The following ATP13A4 variants were observed in gnomAD, a reference collection of about 807,000 sequenced individuals.
The protein encoded by ATP13A4 is probable cation-transporting ATPase 13A4.
ATP13A4 carries 114 observed loss-of-function variants against 142.5 expected under a neutral mutation model. The observed-to-expected ratio is 0.80, with a 90% confidence interval of 0.69 to 0.93. ATP13A4 has a LOEUF of 0.93. Among genes scored for constraint, ATP13A4 ranks in the 40% least tolerant of loss-of-function variants. The pLI is 0.00. For missense variants in ATP13A4, 1,392 were observed against 1,454.0 expected, an observed-to-expected ratio of 0.96 and a Z score of 0.69; for synonymous variants, 488 against 514.8, an observed-to-expected ratio of 0.95 and a Z score of 0.70.
At chr3:193,454,287 C>A in intron 16 of ATP13A4, 75 bp from the exon 17 acceptor site, 1 of 1,149,668 alleles carries the variant, frequency 8.7e-7, no homozygotes, top group Admixed American at 1.8e-5. Context: ...TCTTTACAAA[C>A]ATCCAACTTT....
intron 6 of ATP13A4, 34 bp downstream of exon 6, chr3:193,491,295 G>C: frequency 6.6e-7 from 1 of 1,507,200 alleles, no homozygotes; most frequent in South Asian, 1.1e-5. Context: ...CTTATTTTCT[G>C]TCCAACACCA....
chr3:193,421,957 T>A (rs148267014), intron 25 of ATP13A4, among the ~76,000 whole-genome samples: 1 of 150,012 alleles, frequency 6.7e-6, no homozygotes, highest in East Asian at 2.1e-4. Flanking sequence ...TTACTTTGAA[T>A]GTAAATGGAG....
intron 25 of ATP13A4, chr3:193,417,186 A>T (rs1576939120): frequency 6.6e-6 from 1 of 152,372 alleles, no homozygotes; most frequent in South Asian, 2.1e-4. Context: ...AAGCTGAAAG[A>T]GTTTGTTATC....
chr3:193,531,841 A>T (rs970824262), intron 1 of ATP13A4, among the ~76,000 whole-genome samples: 1 of 152,192 alleles, frequency 6.6e-6, no homozygotes, highest in Non-Finnish European at 1.5e-5. Context: ...TGGTAAGTGA[A>T]AAGTCAAGAG....
upstream of ATP13A4, among the ~76,000 whole-genome samples, chr3:193,558,332 C>T (rs528067518): frequency 2.6e-5 from 4 of 152,280 alleles, no homozygotes; most frequent in South Asian, 4.1e-4. Context: ...ACGTGCCTCA[C>T]GGGTTGTGAT....
chr3:193,399,109 T>C lies in ATP13A4; in HGVS notation c.*3543A>G, dbSNP rs1436767970. On this transcript the variant is annotated 3_prime_UTR_variant, in exon 30 of 30. Transcript: ENST00000342695. ...CATAAGGATACAGATGTCACAGACA[T>C]ATTTAGTGAGGGAAGCCCAGAGTCA... Among the ~76,000 whole-genome samples the C allele has an allele frequency of 6.6e-6, 1 of 152,096 alleles. No homozygotes were observed. The highest frequency in any genetic ancestry group is 1.5e-5 in the Non-Finnish European group (1 of 68,004).
chr3:193,430,243 A>G (rs1715896204), intron 25 of ATP13A4, among the ~76,000 whole-genome samples: 1 of 152,140 alleles, frequency 6.6e-6, no homozygotes, highest in African/African-American at 2.4e-5. Context: ...TTACACATTT[A>G]GAGATAAATT....
In ATP13A4 at chr3:193,546,649, TTG is replaced by T. The variant is rs537426334; in HGVS notation, c.60+8089_60+8090del. ...AATGTTGGTCTCCAGCCTCCTGATG[TTG>T]TGTTTCTTTCAATTACACCCTAATG... On this transcript the variant is annotated intron_variant, in intron 1 of 29. Coordinates refer to ENST00000342695, the MANE Select transcript of ATP13A4 (RefSeq NM_032279.4). Among the ~76,000 whole-genome samples the T allele has an allele frequency of 1.6e-4, 25 of 152,318 alleles. No individual in the cohort carries two copies. In the South Asian group the frequency reaches 2.3e-3, roughly 14 times the overall value.
upstream of ATP13A4, among the ~76,000 whole-genome samples, chr3:193,557,473 T>C (rs905718225): frequency 6.6e-6 from 1 of 152,208 alleles, no homozygotes; most frequent in Admixed American, 6.5e-5. Flanking sequence ...CACTTCCACA[T>C]ATGAGGCACA....
upstream of ATP13A4, among the ~76,000 whole-genome samples, chr3:193,558,348 G>A (rs74929352): frequency 0.028 from 4,253 of 152,250 alleles, 63 homozygotes; most frequent in East Asian, 0.034. Context: ...GTGATGTGGC[G>A]TAGTAAGAAT....
chr3:193,554,596 T>G, intron 1 of ATP13A4, 144 bp downstream of exon 1: 3 of 1,041,472 alleles, frequency 2.9e-6, no homozygotes, highest in Non-Finnish European at 4.4e-6. Context: ...AACATGACCT[T>G]TTCTCGTGTA....
intron 3 of ATP13A4, among the ~76,000 whole-genome samples, chr3:193,493,701 T>G (rs1720070799): frequency 6.6e-6 from 1 of 152,072 alleles, no homozygotes; most frequent in Non-Finnish European, 1.5e-5. Context: ...TGAGCACGCC[T>G]GTTTGTAGAA....
intron 11 of ATP13A4, 147 bp from the exon 12 acceptor site, chr3:193,465,275 C>A: frequency 6.1e-6 from 5 of 818,634 alleles, no homozygotes; most frequent in Non-Finnish European, 9.7e-6. Flanking sequence ...GCAACCTCCA[C>A]CTCCCGGGTT....
chr3:193,405,625 G>T (rs879580774), intron 29 of ATP13A4, among the ~76,000 whole-genome samples: 1 of 152,154 alleles, frequency 6.6e-6, no homozygotes, highest in Non-Finnish European at 1.5e-5. Flanking sequence ...AGAGAAAGGT[G>T]AAAGAGTGTG....
At chr3:193,514,617 A>T (rs947717695) in intron 2 of ATP13A4, 81 bp downstream of exon 2, 9 of 1,559,296 alleles carry the variant, frequency 5.8e-6, no homozygotes, top group Non-Finnish European at 7.9e-6. Flanking sequence ...TGTCTTGTGC[A>T]CATCTCCCCC....
At chr3:193,433,148 G>C (rs1716071100) in intron 25 of ATP13A4, among the ~76,000 whole-genome samples, 1 of 152,104 alleles carries the variant, frequency 6.6e-6, no homozygotes, top group Non-Finnish European at 1.5e-5. Context: ...AAACAACAAA[G>C]ACATGTCAAA....
At chr3:193,531,340 G>GAAGGA (rs1411918662) in intron 1 of ATP13A4, among the ~76,000 whole-genome samples, 1 of 91,910 alleles carries the variant, frequency 1.1e-5, no homozygotes, top group Non-Finnish European at 2.3e-5. Context: ...GGAAGGAAGG[G>GAAGGA]AGGAAGAGAG....
intron 2 of ATP13A4, among the ~76,000 whole-genome samples, chr3:193,580,590 A>T (rs539542307): frequency 6.6e-6 from 1 of 152,288 alleles, no homozygotes; most frequent in East Asian, 1.9e-4. Flanking sequence ...CCTAGTATAT[A>T]TATTTTTTTA....
chr3:193,404,018 A>G (rs1714373507), intron 29 of ATP13A4: 2 of 985,422 alleles, frequency 2.0e-6, no homozygotes, highest in South Asian at 9.4e-5. Context: ...TCCTGTGATA[A>G]CTGACCATCT....
Sources: gnomAD v4.1 joint callset for allele counts (sites outside exome capture counted in the v4.1 genomes callset) on GRCh38, gnomAD v4.1.1 for gene constraint, MANE v1.5 for transcripts, NCBI Gene and HGNC (gene_info 2026-07-23, HGNC 2026-07-21) for gene names.